TRIM64B: variants seen among roughly 807,000 people sequenced by gnomAD.
TRIM64B encodes tripartite motif-containing protein 64B.
For synonymous variants in TRIM64B, 17 were observed against 190.3 expected, an observed-to-expected ratio of 0.09 and a Z score of 7.50; for missense variants, 57 against 536.4, an observed-to-expected ratio of 0.11 and a Z score of 8.83.
chr11:89,876,524 C>T (rs1324349819), upstream of TRIM64B, among the ~76,000 whole-genome samples: 2 of 149,522 alleles, frequency 1.3e-5, no homozygotes, highest in Non-Finnish European at 3.0e-5. Context: ...AGATCGAGAC[C>T]ATCCTGACTA....
At chr11:89,877,754 G>A (rs557958549), upstream of TRIM64B, among the ~76,000 whole-genome samples, 1 of 149,544 alleles carries the variant, frequency 6.7e-6, no homozygotes, top group Admixed American at 6.7e-5. Flanking sequence ...TGAGTAGCTG[G>A]TATTACAGGT....
chr11:89,875,343 T>C (rs1950151985), intron 1 of TRIM64B, among the ~76,000 whole-genome samples: 1 of 152,416 alleles, frequency 6.6e-6, no homozygotes, highest in South Asian at 2.1e-4. Flanking sequence ...AAAAGTGTTC[T>C]TGGTGCTGGC....
chr11:89,876,539 G>T (rs575648745), upstream of TRIM64B, among the ~76,000 whole-genome samples: 3 of 149,636 alleles, frequency 2.0e-5, no homozygotes, highest in South Asian at 4.2e-4. Context: ...TGACTAACAC[G>T]GTGAAACCCC....
At chr11:89,874,681 TTCCTC>T (rs1950145364) in intron 2 of TRIM64B, among the ~76,000 whole-genome samples, 3 of 113,444 alleles carry the variant, frequency 2.6e-5, no homozygotes, top group Admixed American at 1.0e-4. Context: ...TTCTTTCGTC[TTCCTC>T]ACACCCAAAC....
intron 3 of TRIM64B, 50 bp downstream of exon 4, chr11:89,873,999 A>G (rs1463610873): frequency 5.9e-6 from 9 of 1,525,738 alleles, no homozygotes; most frequent in African/African-American, 5.6e-5. Context: ...TCCTGGCAGC[A>G]CTGTCCAGCA....
Position 89,872,350 on chromosome 11 carries a change from A to G in TRIM64B, c.759-38T>C, listed in dbSNP as rs1196930811. 2.7e-6 allele frequency: 4 copies of G among 1,506,182 alleles called. 1 individual carries two copies. The highest frequency in any genetic ancestry group is 4.9e-5 in the East Asian group (2 of 40,598). 93.3% of individuals were successfully genotyped at this position (1,506,182 alleles called of 1,614,324 possible). On this transcript the variant is annotated intron_variant, in intron 4 of 5. Coordinates refer to ENST00000329862, the Ensembl canonical transcript of TRIM64B. ...TGGCCTCAGTTATATTTCCAGGCCC[A>G]GAGCTAATCACACAGTCATACAAAG...
upstream of TRIM64B, among the ~76,000 whole-genome samples, chr11:89,876,934 G>A (rs1207834138): frequency 1.2e-4 from 18 of 148,470 alleles, no homozygotes; most frequent in African/African-American, 3.9e-4. Context: ...ACCTAGACAA[G>A]CTTAAAGCCT....
intron 4 of TRIM64B, among the ~76,000 whole-genome samples, chr11:89,872,905 C>T (rs1465120405): frequency 1.3e-5 from 2 of 149,968 alleles, no homozygotes; most frequent in Admixed American, 1.3e-4. Flanking sequence ...CTTAGGGAAT[C>T]TCTCTCCTCC....
At chr11:89,871,933 A>G (rs2134702146) in intron 5 of TRIM64B, among the ~76,000 whole-genome samples, 1 of 61,042 alleles carries the variant, frequency 1.6e-5, no homozygotes, top group Admixed American at 2.3e-4. Context: ...TGATGCCGCC[A>G]TGAGAACTAG....
upstream of TRIM64B, among the ~76,000 whole-genome samples, chr11:89,877,334 A>T (rs1273576450): frequency 8.1e-6 from 1 of 124,132 alleles, no homozygotes; most frequent in African/African-American, 2.9e-5. Flanking sequence ...AATTCTGATG[A>T]TTAGAGAGAA....
intron 5 of TRIM64B, among the ~76,000 whole-genome samples, chr11:89,871,978 C>T (rs1950113019): frequency 2.5e-5 from 2 of 81,234 alleles, no homozygotes; most frequent in African/African-American, 4.9e-5. Context: ...ATATTTTGTC[C>T]TCTTATTCTG....
chr11:89,877,529 C>G (rs1765276415), upstream of TRIM64B, among the ~76,000 whole-genome samples: 1 of 147,958 alleles, frequency 6.8e-6, no homozygotes, highest in South Asian at 2.1e-4. Flanking sequence ...CGCTTAGTGA[C>G]TTGGAAGTTG....
At chr11:89,872,287 G>C (rs2134703003) in exon 5 of TRIM64B, 1 of 1,534,740 alleles carries the variant, frequency 6.5e-7, no homozygotes, top group East Asian at 2.5e-5. Context: ...ACTGGCTGGG[G>C]CTTTTGCATC....
chr11:89,872,273 G>T (rs1346886614), exon 5 of TRIM64B: 2 of 1,534,234 alleles, frequency 1.3e-6, no homozygotes, highest in African/African-American at 2.7e-5. Flanking sequence ...TGAGCTCTGG[G>T]TTCACTGGCT....
upstream of TRIM64B, among the ~76,000 whole-genome samples, chr11:89,877,367 C>T (rs1950171629): frequency 7.7e-6 from 1 of 130,636 alleles, no homozygotes; most frequent in South Asian, 2.6e-4. Flanking sequence ...CTGAAATAGC[C>T]AATATTTCAA....
At chr11:89,873,936 C>T (rs1950137078) in intron 3 of TRIM64B, 113 bp downstream of exon 4, 1 of 695,908 alleles carries the variant, frequency 1.4e-6, no homozygotes, top group African/African-American at 1.9e-5. Flanking sequence ...GGAAGTCAGA[C>T]AGCATGTGTC....
chr11:89,874,138 C>T, exon 3 of TRIM64B: 1 of 1,547,800 alleles, frequency 6.5e-7, no homozygotes. Context: ...GTCATTCTCA[C>T]TTGACTGTCT....
At chr11:89,871,416 G>A (rs1366597563) in intron 5 of TRIM64B, among the ~76,000 whole-genome samples, 9 of 152,334 alleles carry the variant, frequency 5.9e-5, no homozygotes, top group African/African-American at 1.9e-4. Flanking sequence ...TTCTTCAATA[G>A]AAAACTCTCC....
upstream of TRIM64B, among the ~76,000 whole-genome samples, chr11:89,877,149 TTATAAA>T (rs1474031212): frequency 8.5e-6 from 1 of 117,912 alleles, no homozygotes; most frequent in Non-Finnish European, 1.8e-5. Flanking sequence ...GCTCAGACAA[TTATAAA>T]TAAAGTAGCT....
Sources: gnomAD v4.1 joint callset for allele counts (sites outside exome capture counted in the v4.1 genomes callset) on GRCh38, gnomAD v4.1.1 for gene constraint, MANE v1.5 for transcripts, NCBI Gene and HGNC (gene_info 2026-07-23, HGNC 2026-07-21) for gene names.